NKAIN3: variants seen among roughly 807,000 people sequenced by gnomAD.
NKAIN3 encodes sodium/potassium-transporting ATPase subunit beta-1-interacting protein 3.
NKAIN3 carries 25 observed loss-of-function variants against 30.2 expected under a neutral mutation model. The observed-to-expected ratio is 0.83, with a 90% confidence interval of 0.60 to 1.16. The LOEUF (loss-of-function observed/expected upper bound fraction) is 1.16, where lower values mean the gene tolerates loss of function less well. Among genes scored for constraint, NKAIN3 ranks in the 50% most tolerant of loss-of-function variants. NKAIN3 has a pLI of 0.00. For missense variants in NKAIN3, 225 were observed against 254.1 expected, an observed-to-expected ratio of 0.89 and a Z score of 0.78; for synonymous variants, 91 against 89.6, an observed-to-expected ratio of 1.02 and a Z score of -0.09.
chr8:62,563,951 C>A (rs745428725), intron 1 of NKAIN3, among the ~76,000 whole-genome samples: 1 of 152,102 alleles, frequency 6.6e-6, no homozygotes, highest in African/African-American at 2.4e-5. Flanking sequence ...AGTGCACAAC[C>A]GTCAGGCAAA....
In NKAIN3 at chr8:62,379,812, AT is replaced by A. The variant is rs527487608; in HGVS notation, c.54+130693del. Among the ~76,000 whole-genome samples, 71 of 151,992 alleles carry A rather than the reference AT, an allele frequency of 4.7e-4. No individual in the cohort carries two copies. The South Asian group carries it at 0.014, about 29-fold the overall frequency. On this transcript the variant is annotated intron_variant, in intron 1 of 6. Coordinates refer to ENST00000623646, the MANE Select transcript of NKAIN3 (RefSeq NM_001304533.3). ...ATACACATAGGAAAAAGGAGCCTTC[AT>A]TTTTTTTCAGGACAGACCTTCCACT...
At chr8:62,798,922 A>G (rs1445696461) in intron 4 of NKAIN3, among the ~76,000 whole-genome samples, 1 of 152,144 alleles carries the variant, frequency 6.6e-6, no homozygotes, top group Non-Finnish European at 1.5e-5. Context: ...GAACTGGACT[A>G]TAATGCCTTT....
chr8:62,450,327 C>A (rs1805604074), intron 1 of NKAIN3, among the ~76,000 whole-genome samples: 1 of 151,998 alleles, frequency 6.6e-6, no homozygotes, highest in African/African-American at 2.4e-5. Flanking sequence ...AGGAGACATT[C>A]AAAAAGTATG....
Position 62,451,577 on chromosome 8 carries a change from G to A in NKAIN3, c.55-127962G>A, listed in dbSNP as rs549770589. 2.2e-3 allele frequency among the ~76,000 whole-genome samples: 338 copies of A among 152,194 alleles called. 3 individuals are homozygous for A. The highest frequency in any genetic ancestry group is 2.7e-3 in the Non-Finnish European group (183 of 68,014). ...CTGGGCCTGTAATGGTAGCATCTATGCTAAAAACTAGCATTAAAACATTTT... is the reference window on the plus strand; with the variant it reads ...CTGGGCCTGTAATGGTAGCATCTATACTAAAAACTAGCATTAAAACATTTT... On this transcript the variant is annotated intron_variant, in intron 1 of 6. Coordinates refer to ENST00000623646, the MANE Select transcript of NKAIN3 (RefSeq NM_001304533.3).
chr8:62,986,727 T>C (rs1490550551), downstream of NKAIN3, among the ~76,000 whole-genome samples: 1 of 152,184 alleles, frequency 6.6e-6, no homozygotes, highest in African/African-American at 2.4e-5. Flanking sequence ...AGTCTCTTCA[T>C]GGAGCTTAGA....
At chr8:62,963,418 C>T (rs927173219) in intron 6 of NKAIN3, among the ~76,000 whole-genome samples, 3 of 152,046 alleles carry the variant, frequency 2.0e-5, no homozygotes, top group African/African-American at 4.8e-5. Flanking sequence ...TGCTAAAGCC[C>T]AGAAGCAGAA....
Position 62,937,771 on chromosome 8 carries a change from C to T in NKAIN3, c.533-16131C>T, listed in dbSNP as rs528371926. Among the ~76,000 whole-genome samples the T allele has an allele frequency of 2.0e-5, 3 of 152,210 alleles. No homozygotes were observed. In the South Asian group the frequency reaches 6.2e-4, roughly 32 times the overall value. On this transcript the variant is annotated intron_variant, in intron 5 of 6. Transcript: ENST00000623646. ...GGAGGGGTGAAGTCTGAAAGCCATG[C>T]TTGCTTTCTCAGCAGGGAGGTTTGT...
chr8:62,589,592 C>G (rs2306401), intron 2 of NKAIN3, 122 bp from the exon 3 acceptor site: 1 of 504,736 alleles, frequency 2.0e-6, no homozygotes, highest in African/African-American at 2.0e-5. Flanking sequence ...CTTTTCTGAG[C>G]GCTCCGTCAG....
intron 1 of NKAIN3, among the ~76,000 whole-genome samples, chr8:62,369,259 G>A (rs1373279480): frequency 6.6e-6 from 1 of 152,086 alleles, no homozygotes; most frequent in Non-Finnish European, 1.5e-5. Context: ...AAAGACAAAT[G>A]TCCTTCTGGT....
At position 62,973,354 on chromosome 8, in the gene NKAIN3, G is replaced by A. The variant is rs576641942; in HGVS notation, c.*7947G>A. Among the ~76,000 whole-genome samples, 5 of 152,152 alleles carry A rather than the reference G, an allele frequency of 3.3e-5. No homozygotes were observed. The highest frequency in any genetic ancestry group is 3.9e-4 in the East Asian group (2 of 5,168). On this transcript the variant is annotated 3_prime_UTR_variant, in exon 7 of 7. Coordinates refer to ENST00000623646, the MANE Select transcript of NKAIN3 (RefSeq NM_001304533.3). ...CTCTGTTGTATCCTTTTTAATGATC[G>A]CCATTCTAACTGGTGTGAGGTGGTA...
chr8:62,731,076 C>G (rs1815448010), intron 3 of NKAIN3, among the ~76,000 whole-genome samples: 1 of 152,112 alleles, frequency 6.6e-6, no homozygotes, highest in African/African-American at 2.4e-5. Context: ...CCTACACTCC[C>G]CTTGTTTGTT....
At position 62,264,547 on chromosome 8, in the gene NKAIN3, G is replaced by A. The variant is rs148369291; in HGVS notation, c.54+15420G>A. On this transcript the variant is annotated intron_variant, in intron 1 of 6. Coordinates refer to ENST00000623646, the MANE Select transcript of NKAIN3 (RefSeq NM_001304533.3). ...CTCAAGCTTCCTTAGTGGTTCCCAA[G>A]TCTTGGTACCTGCTAACTGGTGATT... 1.4e-3 allele frequency among the ~76,000 whole-genome samples: 216 copies of A among 152,272 alleles called. 1 individual carries two copies. The highest frequency in any genetic ancestry group is 4.8e-3 in the African/African-American group (200 of 41,562).
intron 3 of NKAIN3, among the ~76,000 whole-genome samples, chr8:62,741,707 T>C (rs1815898904): frequency 6.6e-6 from 1 of 152,242 alleles, no homozygotes; most frequent in African/African-American, 2.4e-5. Flanking sequence ...TCAACTCTAA[T>C]TGCAGCTTTG....
intron 5 of NKAIN3, among the ~76,000 whole-genome samples, chr8:62,923,963 A>G (rs367729311): frequency 1.3e-5 from 2 of 152,232 alleles, no homozygotes; most frequent in South Asian, 2.1e-4. Context: ...CAGGGGAAAG[A>G]TAGAGAAGCC....
chr8:62,861,103 G>A (rs768546556), intron 4 of NKAIN3, among the ~76,000 whole-genome samples: 3 of 152,158 alleles, frequency 2.0e-5, no homozygotes, highest in Non-Finnish European at 2.9e-5. Context: ...TGTGTGCCTC[G>A]ATCAGTGATG....
chr8:62,839,403 T>C (rs896553337), intron 4 of NKAIN3, among the ~76,000 whole-genome samples: 2 of 151,822 alleles, frequency 1.3e-5, no homozygotes, highest in Non-Finnish European at 2.9e-5. Flanking sequence ...AAAAGTCTCT[T>C]AAAAATTGGT....
At chr8:62,555,165 A>G (rs1360139810) in intron 1 of NKAIN3, among the ~76,000 whole-genome samples, 1 of 152,032 alleles carries the variant, frequency 6.6e-6, no homozygotes, top group East Asian at 1.9e-4. Context: ...AATATATGCA[A>G]TATAAAAACT....
chr8:62,374,347 A>T (rs1817008958), intron 1 of NKAIN3, among the ~76,000 whole-genome samples: 1 of 152,150 alleles, frequency 6.6e-6, no homozygotes, highest in Non-Finnish European at 1.5e-5. Flanking sequence ...GACTAAGAAT[A>T]TTCATAAGTA....
chr8:62,368,776 A>T (rs1016679906), intron 1 of NKAIN3, among the ~76,000 whole-genome samples: 2 of 151,546 alleles, frequency 1.3e-5, no homozygotes, highest in African/African-American at 4.8e-5. Context: ...ATTATCTCAA[A>T]ACTATTATTT....
Sources: gnomAD v4.1 joint callset for allele counts (sites outside exome capture counted in the v4.1 genomes callset) on GRCh38, gnomAD v4.1.1 for gene constraint, MANE v1.5 for transcripts, NCBI Gene and HGNC (gene_info 2026-07-23, HGNC 2026-07-21) for gene names.